KIAA1755: variants seen among roughly 807,000 people sequenced by gnomAD.
KIAA1755 encodes KIAA1755.
A neutral mutation model predicts 91.7 loss-of-function variants in KIAA1755; 68 were observed. The observed-to-expected ratio is 0.74, with a 90% CI of 0.61 to 0.91. KIAA1755 has a LOEUF of 0.91. Among genes scored for constraint, KIAA1755 ranks in the 40% least tolerant of loss-of-function variants. The pLI is 0.00. For missense variants in KIAA1755, 1,535 were observed against 1,494.4 expected (o/e 1.03, Z -0.45); for synonymous variants, 610 against 604.6 (o/e 1.01, Z -0.13).
At chr20:38,238,894 T>C (rs369306909) in intron 4 of KIAA1755, among the ~76,000 whole-genome samples, 1 of 152,140 alleles carries the variant, frequency 6.6e-6, no homozygotes, top group Admixed American at 6.5e-5. Context: ...AAAGTATCAG[T>C]TGTCAGTGGC....
At position 38,215,643 on chromosome 20, in the gene KIAA1755, C is replaced by T. The variant is rs1033231129; in HGVS notation, c.2901+1610G>A. Among the ~76,000 whole-genome samples the T allele has an allele frequency of 5.9e-5, 9 of 152,118 alleles. No homozygotes were observed. In the East Asian group the frequency reaches 7.7e-4, roughly 13 times the overall value. ...GAAAGACAAGAAGCCAGCCGGTCAA[C>T]GGGAAGAGCTTCCCAGGCTGAGGGA... On this transcript the variant is annotated intron_variant, in intron 13 of 13. Transcript: ENST00000279024.
chr20:38,214,487 C>A (rs2075510482), intron 13 of KIAA1755, among the ~76,000 whole-genome samples: 1 of 152,220 alleles, frequency 6.6e-6, no homozygotes, highest in African/African-American at 2.4e-5. Flanking sequence ...CAGGATTGCA[C>A]TGAACTGCAC....
intron 2 of KIAA1755, among the ~76,000 whole-genome samples, chr20:38,242,588 C>T (rs571046728): frequency 6.6e-6 from 1 of 152,350 alleles, no homozygotes; most frequent in East Asian, 1.9e-4. Flanking sequence ...AGAGCACTTA[C>T]ATCAGCCTAC....
At chr20:38,239,430 C>A in intron 4 of KIAA1755, 98 bp downstream of exon 4, 1 of 1,089,884 alleles carries the variant, frequency 9.2e-7, no homozygotes, top group Non-Finnish European at 1.4e-6. Flanking sequence ...CCTAGGCCTC[C>A]AGGGCATTCC....
At chr20:38,249,581 AT>A (rs1260347377) in intron 1 of KIAA1755, among the ~76,000 whole-genome samples, 1 of 152,186 alleles carries the variant, frequency 6.6e-6, no homozygotes. Flanking sequence ...TATTTGTAGA[AT>A]GAATGAGTGA....
chr20:38,218,043 T>C (rs2075583437), intron 12 of KIAA1755: 1 of 643,714 alleles, frequency 1.6e-6, no homozygotes, highest in Admixed American at 2.9e-5. Flanking sequence ...ATTCAGAATA[T>C]TCTTTGGGCT....
In KIAA1755 at chr20:38,241,887, G is replaced by A; in HGVS notation, c.244C>T (p.Leu82Phe). The A allele has an allele frequency of 1.2e-6, 2 of 1,613,854 alleles. No homozygotes were observed. The highest frequency in any genetic ancestry group is 1.7e-6 in the Non-Finnish European group (2 of 1,180,018). ...HCLFLHEGWP[L>F]CLRDEVVVHL... ...ACCACAACTTCATCCCTCAGACAGA[G>A]TGGCCAGCCCTCGTGTAAGAAGAGG... Residue 82 changes from leucine to phenylalanine, a missense_variant, in exon 3 of 14, where the codon CTC becomes TTC. Physicochemically the swap from Leu to Phe is conservative, Grantham distance 22 (BLOSUM62 0). Transcript: ENST00000279024.
In KIAA1755 at chr20:38,222,474, T is replaced by G; in HGVS notation, c.2392A>C (p.Arg798=). 6.2e-7 allele frequency: 1 copy of G among 1,613,510 alleles called. No individual in the cohort carries two copies. Among genetic ancestry groups the G allele is most frequent in the Non-Finnish European group, 8.5e-7 (1 of 1,179,988 alleles). Residue 798 remains arginine (R), a synonymous_variant, in exon 10 of 14, where the codon AGG becomes CGG. Coordinates refer to ENST00000279024, the MANE Select transcript of KIAA1755 (RefSeq NM_001029864.2). ...CTGACATCAGGGCTGAAGTCCAGCC[T>G]GCTGGCATCATGCTGCAGCCTGGCC... ...TLARLQHDAS[R]LDFSPDVRSH...
intron 13 of KIAA1755, among the ~76,000 whole-genome samples, chr20:38,215,635 C>T (rs1401942798): frequency 6.6e-6 from 1 of 152,120 alleles, no homozygotes; most frequent in Non-Finnish European, 1.5e-5. Flanking sequence ...AAGAAGCCAG[C>T]CGGTCAACGG....
intron 1 of KIAA1755, among the ~76,000 whole-genome samples, chr20:38,259,330 A>T (rs1032359857): frequency 6.6e-6 from 1 of 152,104 alleles, no homozygotes; most frequent in Admixed American, 6.5e-5. Context: ...ATGCCAATGT[A>T]TGCCCATAGT....
At chr20:38,260,332 T>G in intron 1 of KIAA1755, 166 bp downstream of exon 1, 1 of 1,561,546 alleles carries the variant, frequency 6.4e-7, no homozygotes, top group Non-Finnish European at 8.7e-7. Flanking sequence ...CTCCTGCCCT[T>G]GAACCCCTGC....
intron 10 of KIAA1755, 34 bp from the exon 11 acceptor site, chr20:38,219,802 G>T: frequency 1.2e-5 from 20 of 1,612,754 alleles, no homozygotes; most frequent in Non-Finnish European, 1.7e-5. Flanking sequence ...AAAGGCCTCT[G>T]TTGCCCTCTT....
intron 10 of KIAA1755, among the ~76,000 whole-genome samples, chr20:38,220,704 A>G (rs548346285): frequency 2.6e-5 from 4 of 152,206 alleles, no homozygotes; most frequent in Non-Finnish European, 4.4e-5. Flanking sequence ...CACTTAACAC[A>G]GTGCCCAGCG....
rs1353255001 is a variant in KIAA1755, at chr20:38,227,185, G to C, written c.2021C>G (p.Ala674Gly). ...AILFLGEKEAALQLQTLPDVQ... is the reference protein window; with the variant it reads ...AILFLGEKEAGLQLQTLPDVQ... ...GTCAGGTAATGTCTGCAGCTGGAGA[G>C]CCGCCTCCTTCTCCCCCAGGAAGAG... Residue 674 changes from alanine to glycine, a missense_variant, in exon 7 of 14, where the codon GCT becomes GGT. Ala to Gly is a moderately conservative substitution (Grantham distance 60). Coordinates refer to ENST00000279024, the MANE Select transcript of KIAA1755 (RefSeq NM_001029864.2). 8 of 1,613,872 alleles carry C rather than the reference G, an allele frequency of 5.0e-6. No individual in the cohort carries two copies. Among genetic ancestry groups the C allele is most frequent in the Admixed American group, 1.7e-5 (1 of 59,986 alleles).
chr20:38,214,977 T>C (rs1340663943), intron 13 of KIAA1755, among the ~76,000 whole-genome samples: 1 of 152,366 alleles, frequency 6.6e-6, no homozygotes, highest in East Asian at 1.9e-4. Context: ...ACGGAGCTCA[T>C]GGCCGGGAAA....
Position 38,241,330 on chromosome 20 carries a change from G to C in KIAA1755, c.801C>G (p.Val267=). Residue 267 remains valine (V), a synonymous_variant, in exon 3 of 14, where the codon GTC becomes GTG. Transcript: ENST00000279024. ...GEVAFRMDEV[V]SQDFEGDYVA... ...CATAGTCTCCCTCGAAGTCCTGGCT[G>C]ACCACCTCGTCCATCCTGAAAGCCA... The C allele has an allele frequency of 6.2e-7, 1 of 1,614,170 alleles. No individual in the cohort carries two copies. Among genetic ancestry groups the C allele is most frequent in the Non-Finnish European group, 8.5e-7 (1 of 1,180,032 alleles).
At chr20:38,224,605 A>C (rs945558573) in intron 8 of KIAA1755, among the ~76,000 whole-genome samples, 3 of 152,168 alleles carry the variant, frequency 2.0e-5, no homozygotes, top group African/African-American at 7.2e-5. Context: ...TGGGGTGCAA[A>C]CAGTGGGTAG....
At chr20:38,225,807 CA>C in intron 7 of KIAA1755, 26 bp from the exon 8 acceptor site, 1 of 1,415,934 alleles carries the variant, frequency 7.1e-7, no homozygotes, top group Non-Finnish European at 9.6e-7. Context: ...TCAGGAGAAC[CA>C]GGGACTCAAA....
intron 1 of KIAA1755, among the ~76,000 whole-genome samples, chr20:38,249,301 C>A (rs2076207592): frequency 6.6e-6 from 1 of 152,114 alleles, no homozygotes; most frequent in Non-Finnish European, 1.5e-5. Context: ...AGCCTGGTTG[C>A]AAGCTCCAGG....
Sources: allele counts gnomAD v4.1 joint callset (sites outside exome capture counted in the v4.1 genomes callset), GRCh38; gene constraint gnomAD v4.1.1; transcripts MANE v1.5; gene names NCBI Gene and HGNC (gene_info 2026-07-23, HGNC 2026-07-21).